Variants in UGT1A4 observed in about 807,000 individuals in gnomAD.
The protein encoded by UGT1A4 is UDP-glucuronosyltransferase 1A4.
In UGT1A4, 32 loss-of-function variants were observed where a neutral mutation model predicts 41.1. That is an observed-to-expected ratio of 0.78 (90% CI 0.59 to 1.05). UGT1A4 has a LOEUF of 1.05. Among genes scored for constraint, UGT1A4 ranks in the 50% least tolerant of loss-of-function variants. The pLI is 0.00. For missense variants in UGT1A4, 748 were observed against 677.4 expected (o/e 1.10, Z -1.16); for synonymous variants, 283 against 265.1 (o/e 1.07, Z -0.66).
rs1215128625 is a variant in UGT1A4, at chr2:233,769,761, G to A, written c.1307+1322G>A. ...TCCCAGCCACTCTGGAGGCTAAGGC[G>A]GGAGGATTGCTTGAGCCCAGAAGTT... is the stretch of plus-strand genomic sequence containing the variant. On this transcript the variant is annotated intron_variant, in intron 4 of 4. Transcript: ENST00000373409. This position sits in a 1 kb window ranked among gnomAD's most constrained non-coding sequence, Gnocchi z 4.4. The A allele has an allele frequency of 1.3e-5, 18 of 1,414,110 alleles. No homozygotes were observed. In the South Asian group the frequency reaches 1.6e-4, roughly 12 times the overall value. The allele number at this position is 1,414,110 out of a possible 1,614,324, so 87.6% of individuals were successfully genotyped here. A position where few individuals can be genotyped will look rare whatever the true frequency, so the allele number is the denominator to read the frequency against.
At position 233,719,688 on chromosome 2, in the gene UGT1A4, G is replaced by A; in HGVS notation, c.867+1G>A. On this transcript the variant is annotated splice_donor_variant, in intron 1 of 4. Coordinates refer to ENST00000373409, the MANE Select transcript of UGT1A4 (RefSeq NM_007120.3). LOFTEE classifies it high-confidence loss of function. Reference sequence around the variant, plus strand: ...TGCCAACGGGAAGCCACTATCTCAGGTCTGTATTGGTGCCTTCATCCAATC... The same window carrying A: ...TGCCAACGGGAAGCCACTATCTCAGATCTGTATTGGTGCCTTCATCCAATC... The A allele has an allele frequency of 6.2e-7, 1 of 1,614,002 alleles. No homozygotes were observed. The highest frequency in any genetic ancestry group is 8.5e-7 in the Non-Finnish European group (1 of 1,179,916).
intron 1 of UGT1A4, chr2:233,748,039 T>A: frequency 1.2e-6 from 2 of 1,613,500 alleles, no homozygotes; most frequent in South Asian, 1.1e-5. Flanking sequence ...ATGGTCTTCA[T>A]TGGGGGCATC....
At chr2:233,737,511 CCT>C (rs2078889208) in intron 1 of UGT1A4, among the ~76,000 whole-genome samples, 2 of 152,340 alleles carry the variant, frequency 1.3e-5, no homozygotes, top group South Asian at 4.1e-4. Flanking sequence ...TCTTGCACTT[CCT>C]AGGTGAGGCG....
In UGT1A4 at chr2:233,769,262, G is replaced by C. The variant is rs1197405588; in HGVS notation, c.1307+823G>C. On this transcript the variant is annotated intron_variant, in intron 4 of 4. Transcript: ENST00000373409. This position sits in a 1 kb window ranked among gnomAD's most constrained non-coding sequence, Gnocchi z 4.4. The stretch of plus-strand genomic sequence containing the variant: ...TTTGCTCAAATGTGGCCCTGAAAAC[G>C]ATTCAAAGGGCAAATGATTTCTGGA... Among the ~76,000 whole-genome samples the C allele has an allele frequency of 6.6e-6, 1 of 152,184 alleles. No homozygotes were observed. Among genetic ancestry groups the C allele is most frequent in the Non-Finnish European group, 1.5e-5 (1 of 68,036 alleles).
intron 1 of UGT1A4, among the ~76,000 whole-genome samples, chr2:233,731,986 G>A (rs184170345): frequency 7.2e-5 from 11 of 152,312 alleles, no homozygotes; most frequent in East Asian, 1.9e-4. Context: ...TCTAACTGGC[G>A]TGAGATGGTA....
intron 1 of UGT1A4, chr2:233,754,567 T>C (rs1377287717): frequency 5.0e-6 from 2 of 402,366 alleles, no homozygotes; most frequent in African/African-American, 4.2e-5. Flanking sequence ...GGGGAGCAAC[T>C]GCTCTATGCC....
Position 233,772,728 on chromosome 2 carries a change from C to T in UGT1A4, c.*169C>T, listed in dbSNP as rs1029569602. 2.4e-5 allele frequency: 35 copies of T among 1,446,106 alleles called. No homozygotes were observed. The highest frequency in any genetic ancestry group is 8.7e-5 in the South Asian group (6 of 68,994). The allele number at this position is 1,446,106 out of a possible 1,614,324, so 89.6% of individuals were successfully genotyped here. A position where few individuals can be genotyped will look rare whatever the true frequency, so the allele number is the denominator to read the frequency against. ...TTCTCTTAAATAAAAATAATAGACT[C>T]GCTAGTCAGTAAAGATATTTGAATA... On this transcript the variant is annotated 3_prime_UTR_variant, in exon 5 of 5. Coordinates refer to ENST00000373409, the MANE Select transcript of UGT1A4 (RefSeq NM_007120.3).
In UGT1A4 at chr2:233,755,308, G is replaced by A. The variant is rs1306203724; in HGVS notation, c.868-11726G>A. The A allele has an allele frequency of 1.8e-5, 10 of 564,374 alleles. No individual in the cohort carries two copies. The Admixed American group carries it at 2.0e-4, about 11-fold the overall frequency. The allele number at this position is 564,374 out of a possible 1,614,324, so 35.0% of individuals were successfully genotyped here. A position where few individuals can be genotyped will look rare whatever the true frequency, so the allele number is the denominator to read the frequency against. On this transcript the variant is annotated intron_variant, in intron 1 of 4. Coordinates refer to ENST00000373409, the MANE Select transcript of UGT1A4 (RefSeq NM_007120.3). ...AGAGCCTGCGGGGCACTGGCACAGCGAGCGGCAAGGCTGCCAGCACCCGCG... is the reference window on the plus strand; with the variant it reads ...AGAGCCTGCGGGGCACTGGCACAGCAAGCGGCAAGGCTGCCAGCACCCGCG...
At chr2:233,740,246 T>G (rs1354461528) in intron 1 of UGT1A4, among the ~76,000 whole-genome samples, 1 of 151,876 alleles carries the variant, frequency 6.6e-6, no homozygotes, top group African/African-American at 2.4e-5. Flanking sequence ...GAGAATAGAC[T>G]AATACAAGAT....
chr2:233,747,872 G>C, intron 1 of UGT1A4: 5 of 1,613,496 alleles, frequency 3.1e-6, no homozygotes, highest in Non-Finnish European at 4.2e-6. Context: ...CTCTGGCCCT[G>C]TCCTACCTTT....
intron 1 of UGT1A4, among the ~76,000 whole-genome samples, chr2:233,752,942 C>T (rs540473054): frequency 6.6e-6 from 1 of 152,310 alleles, no homozygotes; most frequent in South Asian, 2.1e-4. Context: ...CTTTGCTGAC[C>T]ACTGAACAAT....
intron 1 of UGT1A4, among the ~76,000 whole-genome samples, chr2:233,744,210 A>G (rs564002534): frequency 6.6e-6 from 1 of 151,916 alleles, no homozygotes; most frequent in South Asian, 2.1e-4. Flanking sequence ...TGGGAAAAAG[A>G]GGTTGGGGAA....
chr2:233,768,384 GA>G lies in UGT1A4; in HGVS notation c.1255del (p.Met419Ter). 1.9e-6 allele frequency: 3 copies of G among 1,614,136 alleles called. No homozygotes were observed. The highest frequency in any genetic ancestry group is 2.5e-6 in the Non-Finnish European group (3 of 1,180,028). ...AGCTGGAGTGACCCTGAATGTTCTG[GA>G]AATGACTTCTGAAGATTTAGAAAAT... ...KGAGVTLNVLEMTSEDLENAL... is the reference protein window; with the variant it reads ...KGAGVTLNVLXMTSEDLENAL... On this transcript the variant is annotated frameshift_variant, in exon 4 of 5. Transcript: ENST00000373409. LOFTEE classifies it high-confidence loss of function.
At chr2:233,743,311 A>AT (rs1692260590) in intron 1 of UGT1A4, 3 of 650,626 alleles carry the variant, frequency 4.6e-6, no homozygotes, top group Non-Finnish European at 7.4e-6. Flanking sequence ...CTTGGTGGTG[A>AT]TTTTTTTACC....
intron 1 of UGT1A4, chr2:233,755,115 G>A: frequency 1.5e-6 from 2 of 1,331,678 alleles, no homozygotes; most frequent in Non-Finnish European, 2.0e-6. Context: ...CACCTCGTAG[G>A]CCTCAGCCAC....
At chr2:233,724,136 CG>C in intron 1 of UGT1A4, among the ~76,000 whole-genome samples, 1 of 111,742 alleles carries the variant, frequency 8.9e-6, no homozygotes, top group African/African-American at 4.3e-5. Flanking sequence ...ACCTCCCGGA[CG>C]GGGCGGCTGG....
At chr2:233,736,477 G>A (rs565407070) in intron 1 of UGT1A4, among the ~76,000 whole-genome samples, 3 of 152,154 alleles carry the variant, frequency 2.0e-5, no homozygotes, top group African/African-American at 7.2e-5. Context: ...GCTTGGAGAG[G>A]TTTGTTACTA....
intron 1 of UGT1A4, among the ~76,000 whole-genome samples, chr2:233,732,370 CTA>C (rs2078265306): frequency 6.6e-6 from 1 of 152,226 alleles, no homozygotes; most frequent in African/African-American, 2.4e-5. Context: ...TGGCCCATGC[CTA>C]TGTCTTCTAG....
At chr2:233,735,872 G>C (rs1314533195) in intron 1 of UGT1A4, among the ~76,000 whole-genome samples, 1 of 152,196 alleles carries the variant, frequency 6.6e-6, no homozygotes, top group Non-Finnish European at 1.5e-5. Context: ...TTTCTGCAGA[G>C]AGATCTGCTG....
Sources: allele counts gnomAD v4.1 joint callset (sites outside exome capture counted in the v4.1 genomes callset), GRCh38; gene constraint gnomAD v4.1.1; non-coding constraint Gnocchi (gnomAD v3.1); transcripts MANE v1.5; gene names NCBI Gene and HGNC (gene_info 2026-07-23, HGNC 2026-07-21).